Variants in CNOT6 observed in about 807,000 individuals in gnomAD.
CNOT6 encodes CCR4-NOT transcription complex subunit 6.
Under a neutral mutation model 61.2 loss-of-function variants are expected in CNOT6, and 12 were observed. The observed-to-expected ratio is 0.20, with a 90% CI of 0.13 to 0.32. The LOEUF (loss-of-function observed/expected upper bound fraction) is 0.32, where lower values mean the gene tolerates loss of function less well. Among genes scored for constraint, CNOT6 ranks in the 10% least tolerant of loss-of-function variants. The pLI is 1.00. For missense variants in CNOT6, 405 were observed against 663.9 expected (o/e 0.61, Z 4.28); for synonymous variants, 225 against 240.6 (o/e 0.94, Z 0.60).
intron 1 of CNOT6, among the ~76,000 whole-genome samples, chr5:180,511,493 T>C (rs1757393446): frequency 6.6e-6 from 1 of 151,834 alleles, no homozygotes; most frequent in Non-Finnish European, 1.5e-5. Context: ...CACCTGTAGT[T>C]CCAGCTACTC....
At chr5:180,552,799 T>C (rs898674654) in intron 3 of CNOT6, among the ~76,000 whole-genome samples, 4 of 151,746 alleles carry the variant, frequency 2.6e-5, no homozygotes, top group Admixed American at 2.0e-4. Flanking sequence ...GCAAAACAAA[T>C]CATATTAAGA....
intron 1 of CNOT6, among the ~76,000 whole-genome samples, chr5:180,507,077 A>G (rs1397813619): frequency 6.6e-6 from 1 of 152,106 alleles, no homozygotes; most frequent in Non-Finnish European, 1.5e-5. Flanking sequence ...TTTAAAGTTG[A>G]ATGTCTGAGT....
At chr5:180,527,162 A>G (rs1292623859) in intron 1 of CNOT6, among the ~76,000 whole-genome samples, 1 of 152,234 alleles carries the variant, frequency 6.6e-6, no homozygotes, top group African/African-American at 2.4e-5. Flanking sequence ...CCTGAATCAC[A>G]ATACTTGTTT....
intron 1 of CNOT6, among the ~76,000 whole-genome samples, chr5:180,525,524 G>C (rs1758061104): frequency 6.7e-6 from 1 of 149,566 alleles, no homozygotes; most frequent in Admixed American, 6.7e-5. Flanking sequence ...GGGTGACAAA[G>C]TGAGACCCTG....
chr5:180,535,663 G>T (rs931701336), intron 2 of CNOT6, among the ~76,000 whole-genome samples: 1 of 152,118 alleles, frequency 6.6e-6, no homozygotes, highest in Non-Finnish European at 1.5e-5. Context: ...TTCCCTTTGG[G>T]GATACCCAGT....
intron 1 of CNOT6, among the ~76,000 whole-genome samples, chr5:180,496,260 A>C (rs1016053336): frequency 2.0e-5 from 3 of 152,326 alleles, no homozygotes; most frequent in East Asian, 1.9e-4. Context: ...AAAATTGCTT[A>C]ATATCTTTAG....
At chr5:180,552,217 C>T (rs1384520214) in intron 3 of CNOT6, among the ~76,000 whole-genome samples, 2 of 151,984 alleles carry the variant, frequency 1.3e-5, no homozygotes, top group African/African-American at 4.8e-5. Context: ...TAAACAGGAG[C>T]CAGATATCAG....
At chr5:180,563,076 A>T (rs991815300) in intron 4 of CNOT6, among the ~76,000 whole-genome samples, 1 of 152,214 alleles carries the variant, frequency 6.6e-6, no homozygotes, top group African/African-American at 2.4e-5. Context: ...GATCTTAAAG[A>T]TAAATGAACT....
chr5:180,571,203 CAAT>C (rs778076150), intron 10 of CNOT6, 24 bp from the exon 11 acceptor site: 367 of 1,509,736 alleles, frequency 2.4e-4, no homozygotes, highest in Non-Finnish European at 1.1e-4. Context: ...ATATATTTGA[CAAT>C]AAAAAAATTT....
chr5:180,546,625 A>G (rs1260375328), intron 2 of CNOT6, among the ~76,000 whole-genome samples: 6 of 152,230 alleles, frequency 3.9e-5, no homozygotes, highest in Admixed American at 1.3e-4. Context: ...TAAGTAGTCA[A>G]TTACATTTTA....
intron 2 of CNOT6, among the ~76,000 whole-genome samples, chr5:180,539,935 A>T (rs375766225): frequency 6.6e-6 from 1 of 151,880 alleles, no homozygotes. Context: ...AGAAGATGTG[A>T]CTCAGGGTAG....
Position 180,578,072 on chromosome 5 carries a change from A to T in CNOT6, c.*3872A>T, listed in dbSNP as rs919395291. 1.3e-5 allele frequency: 2 copies of T among 152,670 alleles called. No individual in the cohort carries two copies. The highest frequency in any genetic ancestry group is 2.9e-5 in the Non-Finnish European group (2 of 68,046). The allele number at this position is 152,670 out of a possible 1,614,324, so 9.5% of individuals were successfully genotyped here. On this transcript the variant is annotated 3_prime_UTR_variant, in exon 12 of 12. Coordinates refer to ENST00000261951, the MANE Select transcript of CNOT6 (RefSeq NM_001370472.1). ...TTTAAAATTCTGAATCTTCTGGGAC[A>T]GGGTTGTAACTCAGCCTTCCAAAGG...
At position 180,574,221 on chromosome 5, in the gene CNOT6, G is replaced by T. The variant is rs775755463; in HGVS notation, c.*21G>T. On this transcript the variant is annotated 3_prime_UTR_variant, in exon 12 of 12. Transcript: ENST00000261951. ...GGTAGTCAAGCACCTTCAGAGGACA[G>T]CCTTGATTCACTTGTAAACTTGTGA... is the stretch of plus-strand genomic sequence containing the variant. 6.3e-7 allele frequency: 1 copy of T among 1,588,186 alleles called. No homozygotes were observed. The highest frequency in any genetic ancestry group is 8.6e-7 in the Non-Finnish European group (1 of 1,156,720).
chr5:180,553,713 A>G (rs1240642684), intron 4 of CNOT6, among the ~76,000 whole-genome samples: 2 of 151,798 alleles, frequency 1.3e-5, no homozygotes, highest in Non-Finnish European at 2.9e-5. Context: ...GTTTTAATAA[A>G]CCCTGTGTTC....
intron 1 of CNOT6, among the ~76,000 whole-genome samples, chr5:180,516,673 G>A (rs145650413): frequency 4.6e-3 from 704 of 152,256 alleles, no homozygotes; most frequent in Non-Finnish European, 8.0e-3. Context: ...CATGAACTAG[G>A]TGTTAAATGT....
Position 180,550,003 on chromosome 5 carries a change from C to G in CNOT6, c.185C>G (p.Ser62Cys). ...HLTALHLSDNSLSRIPSDIAK... is the reference protein window; with the variant it reads ...HLTALHLSDNCLSRIPSDIAK... ...ACAGCTTTGCATTTGAGTGACAATT[C>G]CCTGTCCCGAATTCCTTCAGACATT... is the stretch of plus-strand genomic sequence containing the variant. Residue 62 changes from serine to cysteine, a missense_variant, in exon 3 of 12, where the codon TCC (serine) becomes TGC (cysteine). This residue lies in a region of CNOT6 where 212 missense variants were observed against 307.1 expected (regional missense o/e 0.69). Transcript: ENST00000261951. 1 of 1,614,024 alleles carries G rather than the reference C, an allele frequency of 6.2e-7. No individual in the cohort carries two copies. Among genetic ancestry groups the G allele is most frequent in the Non-Finnish European group, 8.5e-7 (1 of 1,179,930 alleles).
At chr5:180,568,876 A>G (rs941001393) in intron 9 of CNOT6, among the ~76,000 whole-genome samples, 1 of 152,246 alleles carries the variant, frequency 6.6e-6, no homozygotes, top group Non-Finnish European at 1.5e-5. Context: ...AAGCTGTCCC[A>G]AATAGGGCTA....
chr5:180,550,761 TC>T (rs1482498921), intron 3 of CNOT6, among the ~76,000 whole-genome samples: 1 of 152,108 alleles, frequency 6.6e-6, no homozygotes, highest in Admixed American at 6.6e-5. Context: ...TAACACAGGG[TC>T]CAGGAAACCA....
chr5:180,533,312 C>CTATATATATATATATATATATATATATA (rs56266069), intron 2 of CNOT6, among the ~76,000 whole-genome samples: 14 of 127,622 alleles, frequency 1.1e-4, no homozygotes, highest in East Asian at 2.5e-4. Flanking sequence ...GGATGAAAAC[C>CTATATATATATATATATATATATATATA]TATATATATA....
Sources: allele counts gnomAD v4.1 joint callset (sites outside exome capture counted in the v4.1 genomes callset), GRCh38; gene constraint gnomAD v4.1.1; regional missense constraint gnomAD v4.1.1; transcripts MANE v1.5; gene names NCBI Gene and HGNC (gene_info 2026-07-23, HGNC 2026-07-21).